The following MBOAT2 variants were observed in gnomAD, a reference collection of about 807,000 sequenced individuals.
MBOAT2 encodes membrane bound glycerophospholipid O-acyltransferase 2, also known as membrane-bound glycerophospholipid O-acyltransferase 2.
MBOAT2 carries 28 observed loss-of-function variants against 63.4 expected under a neutral mutation model. The observed-to-expected ratio is 0.44, with a 90% CI of 0.33 to 0.61. The LOEUF (loss-of-function observed/expected upper bound fraction) is 0.61. Ranked by LOEUF, MBOAT2 falls within the 20% of genes least tolerant of loss-of-function variation. The probability of loss-of-function intolerance (pLI) is 0.03; values close to 1 mark genes in which losing one functional copy is unlikely to be tolerated. For synonymous variants in MBOAT2, 211 were observed against 215.6 expected (o/e 0.98, Z 0.19); for missense variants, 470 against 605.8 (o/e 0.78, Z 2.35).
In MBOAT2 at chr2:8,889,718, C is replaced by T. The variant is rs573096310; in HGVS notation, c.396-1645G>A. Among the ~76,000 whole-genome samples the T allele has an allele frequency of 4.6e-5, 7 of 152,304 alleles. No individual in the cohort carries two copies. The East Asian group carries it at 7.7e-4, about 17-fold the overall frequency. ...CTTCAGTTCTAAATTCTAATTTCCACGTCACCTTAAAACATAGTAACAACT... is the reference window on the plus strand; with the variant it reads ...CTTCAGTTCTAAATTCTAATTTCCATGTCACCTTAAAACATAGTAACAACT... On this transcript the variant is annotated intron_variant, in intron 4 of 12. Transcript: ENST00000305997.
intron 10 of MBOAT2, among the ~76,000 whole-genome samples, chr2:8,863,941 G>T (rs1434455689): frequency 6.6e-6 from 1 of 152,192 alleles, no homozygotes; most frequent in Non-Finnish European, 1.5e-5. Flanking sequence ...AGGCTTGAGA[G>T]GGCAGGATAG....
At chr2:8,918,873 C>T (rs546617403) in intron 3 of MBOAT2, among the ~76,000 whole-genome samples, 14 of 152,108 alleles carry the variant, frequency 9.2e-5, no homozygotes, top group Admixed American at 7.9e-4. Flanking sequence ...ACTGCAAGAC[C>T]GCTGCCCCAA....
At chr2:8,870,625 C>T (rs1008542634) in intron 8 of MBOAT2, among the ~76,000 whole-genome samples, 8 of 152,202 alleles carry the variant, frequency 5.3e-5, no homozygotes, top group African/African-American at 1.9e-4. Flanking sequence ...CAGCTGGCTT[C>T]TCCACTGACA....
chr2:8,984,481 T>C (rs1346620593), intron 1 of MBOAT2, among the ~76,000 whole-genome samples: 1 of 152,170 alleles, frequency 6.6e-6, no homozygotes, highest in Non-Finnish European at 1.5e-5. Context: ...CATTCCTCTC[T>C]GGGATGGGGT....
At chr2:8,927,681 C>T (rs1478778950) in intron 3 of MBOAT2, among the ~76,000 whole-genome samples, 1 of 152,002 alleles carries the variant, frequency 6.6e-6, no homozygotes, top group African/African-American at 2.4e-5. Flanking sequence ...AAGGGCAGGG[C>T]AGGAAGGCAC....
At chr2:8,955,198 C>A (rs1266222173) in intron 2 of MBOAT2, among the ~76,000 whole-genome samples, 3 of 152,168 alleles carry the variant, frequency 2.0e-5, no homozygotes, top group African/African-American at 7.2e-5. Context: ...TGGCTTCATA[C>A]GTGCCTGGAT....
chr2:8,876,709 AAAGGGGG>A (rs770460908), intron 7 of MBOAT2, among the ~76,000 whole-genome samples: 30 of 147,326 alleles, frequency 2.0e-4, no homozygotes, highest in Non-Finnish European at 3.6e-4. Flanking sequence ...GAAGGGAAGG[AAAGGGGG>A]AAGGGGGAAG....
intron 1 of MBOAT2, among the ~76,000 whole-genome samples, chr2:8,973,520 A>AAAAT (rs753409160): frequency 1.3e-5 from 2 of 151,458 alleles, no homozygotes; most frequent in South Asian, 2.1e-4. Context: ...AAGTATAATA[A>AAAAT]AAATAAATAA....
At chr2:8,898,165 G>T (rs1172118634) in intron 4 of MBOAT2, among the ~76,000 whole-genome samples, 1 of 152,212 alleles carries the variant, frequency 6.6e-6, no homozygotes, top group Non-Finnish European at 1.5e-5. Context: ...CATACAAAGA[G>T]AAGTTTTGTC....
chr2:8,880,998 G>A (rs1418532357), intron 6 of MBOAT2, among the ~76,000 whole-genome samples: 1 of 152,192 alleles, frequency 6.6e-6, no homozygotes, highest in Non-Finnish European at 1.5e-5. Context: ...ATGGGGTGAT[G>A]GCCAGAAGGG....
intron 3 of MBOAT2, among the ~76,000 whole-genome samples, chr2:8,922,140 T>C (rs193027797): frequency 1.3e-5 from 2 of 152,340 alleles, no homozygotes. Context: ...CTTTGGCCAT[T>C]GCAAATCACT....
intron 1 of MBOAT2, among the ~76,000 whole-genome samples, chr2:8,970,829 T>C (rs563443125): frequency 7.2e-5 from 11 of 152,254 alleles, no homozygotes; most frequent in Admixed American, 2.6e-4. Flanking sequence ...TAGGAAGAAG[T>C]TGAATCTCTG....
intron 4 of MBOAT2, among the ~76,000 whole-genome samples, chr2:8,894,919 A>G (rs1163185041): frequency 1.3e-5 from 2 of 151,820 alleles, no homozygotes. Context: ...CGACTTCAGG[A>G]GTGAAGCTGC....
chr2:8,860,681 T>G lies in MBOAT2; in HGVS notation c.1269A>C (p.Gln423His), dbSNP rs561333784. 1 of 1,611,996 alleles carries G rather than the reference T, an allele frequency of 6.2e-7. No individual in the cohort carries two copies. Among genetic ancestry groups the G allele is most frequent in the Admixed American group, 1.7e-5 (1 of 59,924 alleles). The change falls in exon 12 of 13, where the codon CAA becomes CAC. Residue 423 changes from glutamine to histidine, a missense_variant. Around this residue, in one of 3 missense-constraint regions of MBOAT2, gnomAD observed 376 missense variants for 503.8 expected, o/e 0.75. Coordinates refer to ENST00000305997, the MANE Select transcript of MBOAT2 (RefSeq NM_138799.4). ...FYDVITWIVT[Q>H]VAISYTVVPF... The stretch of plus-strand genomic sequence containing the variant: ...GCACAACTGTGTAACTTATTGCTAC[T>G]TGAGTTACTATCCATGTTATAACAT...
At chr2:8,860,549 G>T in intron 12 of MBOAT2, 64 bp downstream of exon 12, 1 of 1,519,472 alleles carries the variant, frequency 6.6e-7, no homozygotes. Context: ...CTATCCAATA[G>T]CAAGAAACTT....
chr2:8,985,761 G>A (rs967739165), intron 1 of MBOAT2, among the ~76,000 whole-genome samples: 5 of 151,950 alleles, frequency 3.3e-5, no homozygotes, highest in East Asian at 1.9e-4. Flanking sequence ...CACCATCACC[G>A]AGCCTAGACT....
chr2:8,996,244 A>C (rs1672294306), intron 1 of MBOAT2, among the ~76,000 whole-genome samples: 1 of 152,198 alleles, frequency 6.6e-6, no homozygotes, highest in African/African-American at 2.4e-5. Flanking sequence ...CGGAAGCCTG[A>C]TTATAGTGGT....
chr2:8,883,269 C>T (rs1663280053), intron 5 of MBOAT2, among the ~76,000 whole-genome samples: 1 of 151,966 alleles, frequency 6.6e-6, no homozygotes, highest in African/African-American at 2.4e-5. Flanking sequence ...AATAAATAGA[C>T]AAAACTAAAA....
chr2:9,003,330 G>A lies in MBOAT2; in HGVS notation c.75+210C>T, dbSNP rs975973845. ...CCGGCCCACCTCCCGCTCGGCCCGG[G>A]GATGGCGGGCTGGGGGCGCACCCAG... On this transcript the variant is annotated intron_variant, in intron 1 of 12. Coordinates refer to ENST00000305997, the MANE Select transcript of MBOAT2 (RefSeq NM_138799.4). The surrounding 1 kb of genome is among the most constrained non-coding windows in gnomAD (Gnocchi z 5.4). Among the ~76,000 whole-genome samples, 2 of 151,876 alleles carry A rather than the reference G, an allele frequency of 1.3e-5. No homozygotes were observed. The highest frequency in any genetic ancestry group is 4.8e-5 in the African/African-American group (2 of 41,362).
Sources: allele counts gnomAD v4.1 joint callset (sites outside exome capture counted in the v4.1 genomes callset), GRCh38; gene constraint gnomAD v4.1.1; regional missense constraint gnomAD v4.1.1; non-coding constraint Gnocchi (gnomAD v3.1); transcripts MANE v1.5; gene names NCBI Gene and HGNC (gene_info 2026-07-23, HGNC 2026-07-21).